The following NEK5 variants were observed in gnomAD, a reference collection of about 807,000 sequenced individuals.
NEK5 encodes NIMA related kinase 5, also known as serine/threonine-protein kinase Nek5.
Under a neutral mutation model 109.2 loss-of-function variants are expected in NEK5, and 88 were observed. The observed-to-expected ratio is 0.81, with a 90% CI of 0.68 to 0.96. The LOEUF (loss-of-function observed/expected upper bound fraction) is 0.96. Among genes scored for constraint, NEK5 ranks in the 40% least tolerant of loss-of-function variants. NEK5 has a pLI of 0.00. For synonymous variants in NEK5, 283 were observed against 299.9 expected (o/e 0.94, Z 0.58); for missense variants, 834 against 920.7 (o/e 0.91, Z 1.22).
chr13:52,099,771 G>C lies in NEK5; in HGVS notation c.998C>G (p.Pro333Arg), dbSNP rs1955492289. Residue 333 changes from proline to arginine, a missense_variant, in exon 12 of 24, where the codon CCA becomes CGA. Pro to Arg is a moderately radical substitution (Grantham distance 103, BLOSUM62 -2). Around this residue, in one of 2 missense-constraint regions of NEK5, gnomAD observed 777 missense variants for 824.7 expected, o/e 0.94. Transcript: ENST00000684899. ...NAILHRNEWR[P>R]PAGAQKARSI... ...TCTGGCCTTCTGGGCTCCAGCTGGTGGTCTCCATTCATTTCTATGCAATAT... is the reference window on the plus strand; with the variant it reads ...TCTGGCCTTCTGGGCTCCAGCTGGTCGTCTCCATTCATTTCTATGCAATAT... 1 of 1,613,624 alleles carries C rather than the reference G, an allele frequency of 6.2e-7. No homozygotes were observed. The highest frequency in any genetic ancestry group is 8.5e-7 in the Non-Finnish European group (1 of 1,179,742).
chr13:52,097,109 G>A (rs1281957578), intron 12 of NEK5, among the ~76,000 whole-genome samples: 1 of 152,222 alleles, frequency 6.6e-6, no homozygotes, highest in African/African-American at 2.4e-5. Context: ...TGCAAGAGTT[G>A]AGGCGTGGGA....
Position 52,040,281 on chromosome 13 carries a change from C to T in NEK5, c.2229-3063G>A, listed in dbSNP as rs528119847. 1.0e-3 allele frequency among the ~76,000 whole-genome samples: 156 copies of T among 152,138 alleles called. 1 individual carries two copies. Among genetic ancestry groups the T allele is most frequent in the Middle Eastern group, 6.8e-3 (2 of 294 alleles). On this transcript the variant is annotated intron_variant, in intron 23 of 23. Transcript: ENST00000684899. ...CTATTTTTTAGTAGAGACGGGGTTTCACCATGTTGGCCAGGCTGGTTTTGA... is the reference window on the plus strand; with the variant it reads ...CTATTTTTTAGTAGAGACGGGGTTTTACCATGTTGGCCAGGCTGGTTTTGA...
At chr13:52,077,767 T>C (rs536239939) in intron 17 of NEK5, among the ~76,000 whole-genome samples, 44 of 152,274 alleles carry the variant, frequency 2.9e-4, no homozygotes, top group African/African-American at 9.9e-4. Context: ...AAGAAGCACA[T>C]GACCACATAA....
chr13:52,055,897 C>G (rs538805140), intron 22 of NEK5, among the ~76,000 whole-genome samples: 1 of 151,358 alleles, frequency 6.6e-6, no homozygotes, highest in South Asian at 2.1e-4. Context: ...AACTAACGAG[C>G]GAAATAACCA....
chr13:52,112,474 T>C, intron 4 of NEK5, 109 bp from the exon 5 acceptor site: 4 of 673,460 alleles, frequency 5.9e-6, no homozygotes, highest in Non-Finnish European at 1.0e-5. Context: ...ATACCATTTA[T>C]ATTTCTTAGC....
At chr13:52,088,319 A>G (rs1440906374) in intron 14 of NEK5, among the ~76,000 whole-genome samples, 1 of 151,052 alleles carries the variant, frequency 6.6e-6, no homozygotes, top group African/African-American at 2.4e-5. Flanking sequence ...CAGTAGGGCG[A>G]TCTCGGCTCA....
At chr13:52,064,177 G>C (rs1256194499) in intron 21 of NEK5, among the ~76,000 whole-genome samples, 1 of 140,230 alleles carries the variant, frequency 7.1e-6, no homozygotes, top group East Asian at 2.2e-4. Flanking sequence ...GGAGGGAGGT[G>C]GGGGGGTCAG....
chr13:52,038,825 G>GAAA (rs1183060212), intron 23 of NEK5, among the ~76,000 whole-genome samples: 3,214 of 94,404 alleles, frequency 0.034, 158 homozygotes, highest in South Asian at 0.067. Flanking sequence ...ACACTCATCT[G>GAAA]AAAAAAAAAA....
intron 23 of NEK5, among the ~76,000 whole-genome samples, chr13:52,046,668 C>A (rs1954462270): frequency 6.6e-6 from 1 of 151,614 alleles, no homozygotes; most frequent in Admixed American, 6.6e-5. Flanking sequence ...GAGGTCGAGG[C>A]TGCAGTGAGG....
chr13:52,083,427 T>C, intron 16 of NEK5, 75 bp from the exon 17 acceptor site: 1 of 860,626 alleles, frequency 1.2e-6, no homozygotes, highest in Non-Finnish European at 2.0e-6. Context: ...TGATGCGCGA[T>C]CAATGATGAA....
Position 52,050,218 on chromosome 13 carries a change from A to T in NEK5, c.2114T>A (p.Met705Lys). Residue 705 changes from methionine (M) to lysine (K), a missense_variant, in exon 23 of 24, where the codon ATG (methionine) becomes AAG (lysine). Physicochemically the swap from Met to Lys is moderately conservative, Grantham distance 95. Around this residue, in one of 2 missense-constraint regions of NEK5, gnomAD observed 777 missense variants for 824.7 expected, o/e 0.94. Transcript: ENST00000684899. The part of the protein sequence containing the change: ...SSFSADEEFA[M>K]GTLKQWLPKE... ...GGGTAGCCATTGTTTTAATGTTCCC[A>T]TTGCTAAAGAAATGACAGAGAAAGA... 1.0e-6 allele frequency: 1 copy of T among 975,480 alleles called. No homozygotes were observed. Among genetic ancestry groups the T allele is most frequent in the Non-Finnish European group, 1.2e-6 (1 of 820,458 alleles). The allele number at this position is 975,480 out of a possible 1,614,324, so 60.4% of individuals were successfully genotyped here. A position where few individuals can be genotyped will look rare whatever the true frequency, so the allele number is the denominator to read the frequency against.
Position 52,102,306 on chromosome 13 carries a change from G to A in NEK5, c.610-14C>T, listed in dbSNP as rs750858264. The A allele has an allele frequency of 1.3e-6, 2 of 1,595,518 alleles. No individual in the cohort carries two copies. Among genetic ancestry groups the A allele is most frequent in the African/African-American group, 1.3e-5 (1 of 74,626 alleles). On this transcript the variant is annotated splice_polypyrimidine_tract_variant and intron_variant, in intron 9 of 23. Coordinates refer to ENST00000684899, the MANE Select transcript of NEK5 (RefSeq NM_001365552.1). ...GTTACCCTCAAACTGAAAGGACAAG[G>A]AGAAATGACACTAAATCAGAGAAAA...
At chr13:52,094,513 G>C (rs979013230) in intron 12 of NEK5, among the ~76,000 whole-genome samples, 1 of 152,220 alleles carries the variant, frequency 6.6e-6, no homozygotes, top group Non-Finnish European at 1.5e-5. Context: ...GCTGGGCGCA[G>C]TGGCTCATGC....
chr13:52,083,703 A>T (rs921156025), intron 16 of NEK5, among the ~76,000 whole-genome samples: 2 of 151,938 alleles, frequency 1.3e-5, no homozygotes, highest in African/African-American at 4.8e-5. Context: ...CGCCTGGCTA[A>T]TTTTTTGTCT....
chr13:52,080,449 A>G (rs891535302), intron 17 of NEK5, among the ~76,000 whole-genome samples: 2 of 152,152 alleles, frequency 1.3e-5, no homozygotes, highest in Non-Finnish European at 2.9e-5. Flanking sequence ...TGGAATAGAA[A>G]GAGGGGAAAG....
Position 52,071,971 on chromosome 13 carries a change from A to G in NEK5, c.1822T>C (p.Phe608Leu). ...GCTTCTGGGCAGTGAAGTTTTTCAA[A>G]TGCTTTGTCTGTATAATCTCCATGC... ...KEHGDYTDKA[F>L]EKLHCPEAGF... is the part of the protein sequence containing the mutation. Residue 608 changes from phenylalanine (F) to leucine (L), a missense_variant, in exon 20 of 24, where the codon TTT (phenylalanine) becomes CTT (leucine). Physicochemically the swap from Phe to Leu is conservative, Grantham distance 22. Coordinates refer to ENST00000684899, the MANE Select transcript of NEK5 (RefSeq NM_001365552.1). 1 of 1,613,182 alleles carries G rather than the reference A, an allele frequency of 6.2e-7. No individual in the cohort carries two copies. The highest frequency in any genetic ancestry group is 8.5e-7 in the Non-Finnish European group (1 of 1,179,320).
Position 52,112,523 on chromosome 13 carries a change from C to T in NEK5, c.215-158G>A, listed in dbSNP as rs371540918. Among the ~76,000 whole-genome samples the T allele has an allele frequency of 1.6e-4, 25 of 152,268 alleles. No homozygotes were observed. The East Asian group carries it at 3.5e-3, about 21-fold the overall frequency. On this transcript the variant is annotated intron_variant, in intron 4 of 23. Transcript: ENST00000684899. ...GCAAGTCACTTTAACTTCTCCGTGC[C>T]TCATTACCTCATCTGTAAAATGGAA...
chr13:52,101,210 A>G (rs976782058), intron 11 of NEK5, among the ~76,000 whole-genome samples: 4 of 152,096 alleles, frequency 2.6e-5, no homozygotes, highest in African/African-American at 9.7e-5. Context: ...CATCCTAGCT[A>G]ACACAGTGAA....
At chr13:52,097,303 C>T (rs187257517) in intron 12 of NEK5, among the ~76,000 whole-genome samples, 2 of 152,312 alleles carry the variant, frequency 1.3e-5, no homozygotes, top group Non-Finnish European at 2.9e-5. Flanking sequence ...TCTCCTGACT[C>T]CAAAAACGGT....
Sources: allele counts gnomAD v4.1 joint callset (sites outside exome capture counted in the v4.1 genomes callset), GRCh38; gene constraint gnomAD v4.1.1; regional missense constraint gnomAD v4.1.1; transcripts MANE v1.5; gene names NCBI Gene and HGNC (gene_info 2026-07-23, HGNC 2026-07-21).